Variants in SCHIP1 observed in about 807,000 individuals in gnomAD.
SCHIP1 encodes the protein schwannomin interacting protein 1.
A neutral mutation model predicts 29.7 loss-of-function variants in SCHIP1; 8 were observed. That is an observed-to-expected ratio of 0.27 (90% confidence interval 0.16 to 0.49). SCHIP1 has a LOEUF of 0.49. Ranked by LOEUF, SCHIP1 falls within the 20% of genes least tolerant of loss-of-function variation. SCHIP1 has a pLI of 0.99. For missense variants in SCHIP1, 193 were observed against 294.6 expected, an observed-to-expected ratio of 0.66 and a Z score of 2.52; for synonymous variants, 76 against 94.9, an observed-to-expected ratio of 0.80 and a Z score of 1.16.
chr3:159,443,995 G>C, the SCHIP1 span, among the ~76,000 whole-genome samples: 1 of 152,120 alleles, frequency 6.6e-6, no homozygotes, highest in African/African-American at 2.4e-5. Context: ...AGACTGTAGG[G>C]AAAGAGTAGA....
At chr3:159,580,424 G>A in the SCHIP1 span, among the ~76,000 whole-genome samples, 4 of 152,158 alleles carry the variant, frequency 2.6e-5, no homozygotes, top group African/African-American at 9.7e-5. Context: ...TCAACTGGAG[G>A]AAGAAGCAGG....
the SCHIP1 span, among the ~76,000 whole-genome samples, chr3:159,642,656 T>TA: frequency 6.6e-6 from 1 of 151,962 alleles, no homozygotes; most frequent in Non-Finnish European, 1.5e-5. Context: ...AGGCAAAAAA[T>TA]AAAAATCACA....
At chr3:159,431,835 C>T in the SCHIP1 span, among the ~76,000 whole-genome samples, 1 of 150,880 alleles carries the variant, frequency 6.6e-6, no homozygotes. Flanking sequence ...TAGGTAAAAG[C>T]AATGATTTTC....
At chr3:159,534,878 A>G in the SCHIP1 span, among the ~76,000 whole-genome samples, 2 of 152,184 alleles carry the variant, frequency 1.3e-5, no homozygotes, top group African/African-American at 2.4e-5. Context: ...AAGTTTATGT[A>G]TCTATGAAGG....
the SCHIP1 span, among the ~76,000 whole-genome samples, chr3:159,819,318 G>A: frequency 6.6e-6 from 1 of 152,160 alleles, no homozygotes; most frequent in African/African-American, 2.4e-5. Flanking sequence ...GTGGTAGCAG[G>A]TATGTCACTT....
chr3:159,731,875 T>A, the SCHIP1 span, among the ~76,000 whole-genome samples: 9 of 152,186 alleles, frequency 5.9e-5, no homozygotes, highest in Admixed American at 5.2e-4. Flanking sequence ...CAGGAATTTT[T>A]TTTTTTTCTG....
chr3:159,614,315 A>G, the SCHIP1 span, among the ~76,000 whole-genome samples: 1 of 152,240 alleles, frequency 6.6e-6, no homozygotes, highest in African/African-American at 2.4e-5. Flanking sequence ...CTGTAAATCT[A>G]AAGGCCATAA....
At chr3:159,531,629 G>C in the SCHIP1 span, among the ~76,000 whole-genome samples, 72 of 152,254 alleles carry the variant, frequency 4.7e-4, no homozygotes, top group African/African-American at 1.7e-3. Context: ...CAATGCAAAA[G>C]TATGTAAGTC....
At chr3:159,334,239 G>A in the SCHIP1 span, among the ~76,000 whole-genome samples, 6 of 152,128 alleles carry the variant, frequency 3.9e-5, no homozygotes, top group East Asian at 3.9e-4. Flanking sequence ...GGTTGTTGGC[G>A]AGACTGTCTG....
the SCHIP1 span, among the ~76,000 whole-genome samples, chr3:159,447,687 A>G: frequency 1.3e-5 from 2 of 152,098 alleles, no homozygotes; most frequent in African/African-American, 4.8e-5. Flanking sequence ...TTCTTCTCCC[A>G]CCCTGCTTCC....
At chr3:159,549,509 C>G in the SCHIP1 span, among the ~76,000 whole-genome samples, 2 of 152,002 alleles carry the variant, frequency 1.3e-5, no homozygotes, top group Admixed American at 6.6e-5. Context: ...GAAGAAATAC[C>G]ACAGAACTTG....
At chr3:159,311,038 G>A in the SCHIP1 span, among the ~76,000 whole-genome samples, 1 of 152,006 alleles carries the variant, frequency 6.6e-6, no homozygotes, top group South Asian at 2.1e-4. Context: ...ATTTTATAAT[G>A]CCATCTTTAC....
At chr3:159,751,759 G>A in the SCHIP1 span, among the ~76,000 whole-genome samples, 1 of 151,990 alleles carries the variant, frequency 6.6e-6, no homozygotes, top group Non-Finnish European at 1.5e-5. Context: ...TGTTAGCCAG[G>A]ATGGTCTCGA....
intron 1 of SCHIP1, among the ~76,000 whole-genome samples, chr3:159,865,277 G>T (rs1005253266): frequency 6.6e-6 from 1 of 152,076 alleles, no homozygotes; most frequent in Non-Finnish European, 1.5e-5. Flanking sequence ...CATGTTGTTT[G>T]TTTTTTGTAG....
the SCHIP1 span, among the ~76,000 whole-genome samples, chr3:159,372,911 A>G: frequency 6.6e-6 from 1 of 152,034 alleles, no homozygotes. Context: ...TATAGTCCAA[A>G]ATGCTGAGAA....
chr3:159,495,747 G>C, the SCHIP1 span, among the ~76,000 whole-genome samples: 41 of 152,204 alleles, frequency 2.7e-4, no homozygotes, highest in African/African-American at 9.6e-4. Flanking sequence ...CACAGAATTG[G>C]AAAAAACTAC....
chr3:159,414,711 G>C, the SCHIP1 span, among the ~76,000 whole-genome samples: 1 of 152,136 alleles, frequency 6.6e-6, no homozygotes, highest in Non-Finnish European at 1.5e-5. Flanking sequence ...ACCAGGGACC[G>C]GTTTTATGGA....
the SCHIP1 span, among the ~76,000 whole-genome samples, chr3:159,599,227 ATTG>A: frequency 6.6e-6 from 1 of 152,070 alleles, no homozygotes; most frequent in South Asian, 2.1e-4. Context: ...TTTCTTTAAT[ATTG>A]TTGTTTTCTG....
At chr3:159,607,653 A>G in the SCHIP1 span, among the ~76,000 whole-genome samples, 7 of 152,322 alleles carry the variant, frequency 4.6e-5, no homozygotes, top group East Asian at 1.4e-3. Context: ...GTCAGAAAAC[A>G]GGAGGAAAGA....
Sources: allele counts gnomAD v4.1 joint callset (sites outside exome capture counted in the v4.1 genomes callset), GRCh38; gene constraint gnomAD v4.1.1; transcripts MANE v1.5; gene names NCBI Gene and HGNC (gene_info 2026-07-23, HGNC 2026-07-21).